Variants in MECOM observed in about 807,000 individuals in gnomAD.
The protein encoded by MECOM is histone-lysine N-methyltransferase MECOM.
A neutral mutation model predicts 116.3 loss-of-function variants in MECOM; 13 were observed. The ratio of observed to expected loss-of-function variants is 0.11; its 90% CI spans 0.07 to 0.18. MECOM has a LOEUF of 0.18. Ranked by LOEUF, MECOM falls within the 10% of genes least tolerant of loss-of-function variation. MECOM has a pLI of 1.00. For missense variants in MECOM, 1,299 were observed against 1,509.0 expected (o/e 0.86, Z 2.31); for synonymous variants, 528 against 535.2 (o/e 0.99, Z 0.19).
At chr3:169,206,754 A>C (rs1419321600) in intron 2 of MECOM, among the ~76,000 whole-genome samples, 1 of 142,650 alleles carries the variant, frequency 7.0e-6, no homozygotes, top group Non-Finnish European at 1.5e-5. Flanking sequence ...CTTCCTCTTA[A>C]AAAAAAAAAA....
At chr3:169,655,763 A>AT (rs1775468444) in intron 1 of MECOM, among the ~76,000 whole-genome samples, 1 of 152,240 alleles carries the variant, frequency 6.6e-6, no homozygotes, top group Non-Finnish European at 1.5e-5. Flanking sequence ...AGGAAACTGG[A>AT]TAAAAACATT....
chr3:169,472,687 G>A (rs898086342), intron 1 of MECOM, among the ~76,000 whole-genome samples: 3 of 136,514 alleles, frequency 2.2e-5, no homozygotes, highest in Non-Finnish European at 3.1e-5. Flanking sequence ...GGAGAGGAAA[G>A]GAAAGGGAAG....
At chr3:169,165,696 T>C (rs1344485964) in intron 2 of MECOM, among the ~76,000 whole-genome samples, 1 of 152,172 alleles carries the variant, frequency 6.6e-6, no homozygotes, top group Non-Finnish European at 1.5e-5. Context: ...TATTTCCTTG[T>C]TTTATGTCCT....
chr3:169,102,558 C>A (rs1723965792), intron 10 of MECOM, among the ~76,000 whole-genome samples: 1 of 152,052 alleles, frequency 6.6e-6, no homozygotes, highest in Admixed American at 6.5e-5. Context: ...TAAATGACAG[C>A]ATTAGTATCA....
chr3:169,268,038 A>G (rs1758523514), intron 2 of MECOM, among the ~76,000 whole-genome samples: 1 of 152,192 alleles, frequency 6.6e-6, no homozygotes, highest in Admixed American at 6.5e-5. Context: ...GTTATTCACA[A>G]GAAGCAAAAA....
At chr3:169,224,229 A>G (rs1191220123) in intron 2 of MECOM, among the ~76,000 whole-genome samples, 2 of 152,182 alleles carry the variant, frequency 1.3e-5, no homozygotes, top group African/African-American at 4.8e-5. Context: ...TCTGCCCTTC[A>G]TCACCAACAA....
intron 2 of MECOM, among the ~76,000 whole-genome samples, chr3:169,227,980 C>A (rs770965239): frequency 6.6e-6 from 1 of 152,126 alleles, no homozygotes; most frequent in Non-Finnish European, 1.5e-5. Context: ...ACAATTGAGA[C>A]AAATACATTC....
intron 1 of MECOM, among the ~76,000 whole-genome samples, chr3:169,594,174 A>AAAAAACAAAAAAAAAAAAC: frequency 7.9e-6 from 1 of 125,968 alleles, no homozygotes; most frequent in Middle Eastern, 4.0e-3. Flanking sequence ...AAAAAAAAAA[A>AAAAAACAAAAAAAAAAAAC]AACACCTTTT....
chr3:169,363,111 A>G (rs936833913), intron 2 of MECOM, among the ~76,000 whole-genome samples: 3 of 151,878 alleles, frequency 2.0e-5, no homozygotes, highest in Non-Finnish European at 4.4e-5. Flanking sequence ...AAAACTTCAT[A>G]TTAATATTCT....
chr3:169,606,520 A>C (rs577745267), intron 1 of MECOM, among the ~76,000 whole-genome samples: 1 of 152,300 alleles, frequency 6.6e-6, no homozygotes, highest in South Asian at 2.1e-4. Flanking sequence ...GTGTTTTACA[A>C]GTATTAGATC....
intron 2 of MECOM, among the ~76,000 whole-genome samples, chr3:169,311,386 T>C (rs753573044): frequency 6.6e-6 from 1 of 152,180 alleles, no homozygotes; most frequent in Admixed American, 6.5e-5. Context: ...AATAAACAAA[T>C]AGCTGAAAAC....
chr3:169,403,673 T>C (rs1305390010), intron 1 of MECOM, among the ~76,000 whole-genome samples: 1 of 152,210 alleles, frequency 6.6e-6, no homozygotes, highest in Non-Finnish European at 1.5e-5. Flanking sequence ...GGAGGGCTTG[T>C]GTTTACCACT....
intron 2 of MECOM, among the ~76,000 whole-genome samples, chr3:169,224,561 C>T (rs1752507257): frequency 6.6e-6 from 1 of 152,218 alleles, no homozygotes; most frequent in Non-Finnish European, 1.5e-5. Flanking sequence ...TCCTTTCCTT[C>T]AGTCATCATC....
At chr3:169,464,373 T>C (rs992734843) in intron 1 of MECOM, among the ~76,000 whole-genome samples, 16 of 152,178 alleles carry the variant, frequency 1.1e-4, no homozygotes, top group Non-Finnish European at 2.2e-4. Context: ...ACAGCAAGAT[T>C]CTTTGTTGGA....
At chr3:169,200,076 G>A (rs898820847) in intron 2 of MECOM, among the ~76,000 whole-genome samples, 9 of 152,024 alleles carry the variant, frequency 5.9e-5, no homozygotes, top group African/African-American at 1.9e-4. Flanking sequence ...AGTGGGAGCT[G>A]GGGGAGGACA....
chr3:169,123,348 A>G (rs780623178), intron 5 of MECOM, among the ~76,000 whole-genome samples: 1 of 151,506 alleles, frequency 6.6e-6, no homozygotes, highest in Non-Finnish European at 1.5e-5. Flanking sequence ...ATATTACATA[A>G]TATATAAAAC....
At chr3:169,169,142 G>A (rs891199638) in intron 2 of MECOM, among the ~76,000 whole-genome samples, 2 of 152,082 alleles carry the variant, frequency 1.3e-5, no homozygotes, top group African/African-American at 2.4e-5. Flanking sequence ...TTAACAGTGT[G>A]CATTACCTGA....
chr3:169,191,964 G>C (rs1396845271), intron 2 of MECOM, among the ~76,000 whole-genome samples: 1 of 151,990 alleles, frequency 6.6e-6, no homozygotes, highest in Middle Eastern at 3.2e-3. Context: ...AGAGAATAGA[G>C]TGGGTGGAGT....
chr3:169,091,690 G>A (rs889586451), intron 14 of MECOM, among the ~76,000 whole-genome samples: 6 of 151,864 alleles, frequency 4.0e-5, no homozygotes, highest in Admixed American at 3.9e-4. Flanking sequence ...ACTGCACACT[G>A]GTGTAGTTAT....
Sources: gnomAD v4.1 joint callset for allele counts (sites outside exome capture counted in the v4.1 genomes callset) on GRCh38, gnomAD v4.1.1 for gene constraint, MANE v1.5 for transcripts, NCBI Gene and HGNC (gene_info 2026-07-23, HGNC 2026-07-21) for gene names.